ULK4: variants seen among roughly 807,000 people sequenced by gnomAD.
ULK4 encodes the protein unc-51 like kinase 4.
Under a neutral mutation model 160.6 loss-of-function variants are expected in ULK4, and 133 were observed. That is an observed-to-expected ratio of 0.83 (90% CI 0.72 to 0.96). The LOEUF (loss-of-function observed/expected upper bound fraction) is 0.96. Among genes scored for constraint, ULK4 ranks in the 40% least tolerant of loss-of-function variants. ULK4 has a pLI of 0.00. For synonymous variants in ULK4, 534 were observed against 539.8 expected (o/e 0.99, Z 0.15); for missense variants, 1,580 against 1,499.5 (o/e 1.05, Z -0.89).
intron 27 of ULK4, among the ~76,000 whole-genome samples, chr3:41,695,885 C>A (rs1041330088): frequency 9.9e-5 from 15 of 152,078 alleles, no homozygotes; most frequent in African/African-American, 3.6e-4. Context: ...CTAGGAAAAA[C>A]CAGGCCATAC....
chr3:41,704,609 C>A (rs2036802505), intron 27 of ULK4, among the ~76,000 whole-genome samples: 1 of 152,116 alleles, frequency 6.6e-6, no homozygotes, highest in Non-Finnish European at 1.5e-5. Context: ...TGTGTAGAGA[C>A]AATTTTGGTT....
intron 19 of ULK4, among the ~76,000 whole-genome samples, chr3:41,811,679 G>T (rs1476782406): frequency 6.6e-6 from 1 of 152,114 alleles, no homozygotes; most frequent in Non-Finnish European, 1.5e-5. Flanking sequence ...CGAATGAAGG[G>T]TTTTCTAGTC....
intron 8 of ULK4, among the ~76,000 whole-genome samples, chr3:41,913,987 GAAAGA>G (rs2148806358): frequency 6.6e-6 from 1 of 152,124 alleles, no homozygotes; most frequent in East Asian, 1.9e-4. Flanking sequence ...GCGGTGGGAG[GAAAGA>G]ATATCAGCTT....
intron 32 of ULK4, among the ~76,000 whole-genome samples, chr3:41,476,642 CCTCT>C (rs1559631572): frequency 6.6e-6 from 1 of 151,852 alleles, no homozygotes; most frequent in Non-Finnish European, 1.5e-5. Context: ...CTTTTCTCTC[CCTCT>C]CTCTCATCTA....
intron 19 of ULK4, among the ~76,000 whole-genome samples, chr3:41,802,325 T>G (rs1402940566): frequency 2.0e-5 from 3 of 152,204 alleles, no homozygotes; most frequent in East Asian, 3.8e-4. Context: ...TGAGACACAG[T>G]CTCACTCTGT....
chr3:41,512,721 C>T (rs1795315), intron 32 of ULK4, among the ~76,000 whole-genome samples: 127,617 of 152,036 alleles, frequency 0.84, 54,892 homozygotes, highest in Non-Finnish European at 0.94. Context: ...ATAAATTCAA[C>T]GTAATTCCTC....
At chr3:41,747,817 A>G (rs1044738805) in intron 22 of ULK4, among the ~76,000 whole-genome samples, 10 of 152,094 alleles carry the variant, frequency 6.6e-5, no homozygotes, top group African/African-American at 2.2e-4. Flanking sequence ...AGACCTCACC[A>G]GAAACCAAAC....
At chr3:41,475,810 A>G (rs1307666156) in intron 32 of ULK4, among the ~76,000 whole-genome samples, 1 of 152,116 alleles carries the variant, frequency 6.6e-6, no homozygotes, top group African/African-American at 2.4e-5. Context: ...ATACCATGTA[A>G]GTGTAGACAT....
At chr3:41,635,359 T>C (rs1183789306) in intron 30 of ULK4, among the ~76,000 whole-genome samples, 2 of 152,170 alleles carry the variant, frequency 1.3e-5, no homozygotes, top group Admixed American at 1.3e-4. Context: ...GTGTGTGTAC[T>C]TAACAAATCT....
rs78538200 is a variant in ULK4 at position 41,783,029 on chromosome 3, CAAAA to C, written c.2193+6628_2193+6631del. On this transcript the variant is annotated intron_variant, in intron 21 of 36. Coordinates refer to ENST00000301831, the MANE Select transcript of ULK4 (RefSeq NM_017886.4). ...AGAGTTGGGTTGGTCCAATTTCTAC[CAAAA>C]AAAAAAAAAAGACTAATAGCATGAC... 9.9e-4 allele frequency among the ~76,000 whole-genome samples: 115 copies of C among 115,608 alleles called. 1 individual carries two copies. The highest frequency in any genetic ancestry group is 3.4e-4 in the Non-Finnish European group (17 of 49,550). 75.8% of individuals were successfully genotyped at this position (115,608 alleles called of 152,430 possible).
chr3:41,702,089 C>A (rs2036694791), intron 27 of ULK4, among the ~76,000 whole-genome samples: 1 of 151,984 alleles, frequency 6.6e-6, no homozygotes, highest in Non-Finnish European at 1.5e-5. Flanking sequence ...GAAGTACATG[C>A]TATAGTTAGA....
intron 32 of ULK4, among the ~76,000 whole-genome samples, chr3:41,483,119 C>T (rs1027764835): frequency 3.9e-5 from 6 of 151,974 alleles, no homozygotes; most frequent in Non-Finnish European, 8.8e-5. Flanking sequence ...CATTCCTTCT[C>T]TTTTTTTTGT....
chr3:41,751,546 G>A (rs561385730), intron 22 of ULK4, among the ~76,000 whole-genome samples: 1 of 152,296 alleles, frequency 6.6e-6, no homozygotes. Context: ...GTGGAGGTCA[G>A]TGTCAGGGGC....
chr3:41,801,017 A>G (rs1026068917), intron 19 of ULK4, among the ~76,000 whole-genome samples: 1 of 152,250 alleles, frequency 6.6e-6, no homozygotes, highest in Admixed American at 6.5e-5. Context: ...GCCAAAAAAT[A>G]TGATTCATAA....
intron 30 of ULK4, among the ~76,000 whole-genome samples, chr3:41,635,016 C>G (rs892831819): frequency 6.6e-6 from 1 of 152,072 alleles, no homozygotes; most frequent in East Asian, 1.9e-4. Flanking sequence ...TGATGGAAGG[C>G]GAAAGAACAT....
In ULK4 at chr3:41,297,896, A is replaced by T. The variant is rs144267387; in HGVS notation, c.3679-48322T>A. Among the ~76,000 whole-genome samples the T allele has an allele frequency of 4.1e-3, 630 of 152,348 alleles. 3 individuals carry two copies. The highest frequency in any genetic ancestry group is 0.014 in the African/African-American group (603 of 41,588). ...CAGCCCACTGTATCCAAGGTCACAA[A>T]GGATGATGCTTTCCTGGCAATGTTA... On this transcript the variant is annotated intron_variant, in intron 35 of 36. Transcript: ENST00000301831.
rs144349230 is a variant in ULK4, at chr3:41,525,000, T to C, written c.3226+41025A>G. 2.6e-3 allele frequency among the ~76,000 whole-genome samples: 392 copies of C among 152,170 alleles called. 1 individual carries two copies. The highest frequency in any genetic ancestry group is 7.1e-3 in the Admixed American group (109 of 15,286). On this transcript the variant is annotated intron_variant, in intron 32 of 36. Transcript: ENST00000301831. ...AAAGGAAGAGGAGCTAAGTCTGAGA[T>C]AAAGACGGTTAACCAAACTAGGTGA...
At chr3:41,565,613 C>A (rs2087755790) in intron 32 of ULK4, among the ~76,000 whole-genome samples, 1 of 152,178 alleles carries the variant, frequency 6.6e-6, no homozygotes, top group Admixed American at 6.5e-5. Flanking sequence ...CAAAGAGTCT[C>A]CAACAGCATG....
chr3:41,801,724 G>A (rs2040464955), intron 19 of ULK4, among the ~76,000 whole-genome samples: 1 of 151,998 alleles, frequency 6.6e-6, no homozygotes, highest in South Asian at 2.1e-4. Flanking sequence ...GGTAGTACAT[G>A]CCTATACTCC....
Sources: gnomAD v4.1 joint callset for allele counts (sites outside exome capture counted in the v4.1 genomes callset) on GRCh38, gnomAD v4.1.1 for gene constraint, MANE v1.5 for transcripts, NCBI Gene and HGNC (gene_info 2026-07-23, HGNC 2026-07-21) for gene names.